The following MMP21 variants were observed in gnomAD, a reference collection of about 807,000 sequenced individuals.
The protein encoded by MMP21 is matrix metallopeptidase 21, also known as matrix metalloproteinase-21.
Under a neutral mutation model 47.8 loss-of-function variants are expected in MMP21, and 40 were observed. That is an observed-to-expected ratio of 0.84 (90% confidence interval 0.65 to 1.09). The LOEUF (loss-of-function observed/expected upper bound fraction) is 1.09. MMP21 is among the 50% of genes least tolerant of loss of function. The probability of loss-of-function intolerance (pLI) is 0.00; values close to 1 mark genes in which losing one functional copy is unlikely to be tolerated. For synonymous variants in MMP21, 341 were observed against 318.0 expected (o/e 1.07, Z -0.77); for missense variants, 747 against 775.3 (o/e 0.96, Z 0.43).
At position 125,773,772 on chromosome 10, in the gene MMP21, G is replaced by T; in HGVS notation, c.697+59C>A. The T allele has an allele frequency of 6.9e-7, 1 of 1,446,422 alleles. No homozygotes were observed. Among genetic ancestry groups the T allele is most frequent in the African/African-American group, 1.5e-5 (1 of 67,862 alleles). 89.6% of individuals were successfully genotyped at this position (1,446,422 alleles called of 1,614,324 possible). ...CTGCAGGTGGCCGAGGTGGGGGTAG[G>T]TGCGCCGGGGTCCCCGAGGGGCTGG... is the stretch of plus-strand genomic sequence containing the variant. On this transcript the variant is annotated intron_variant, in intron 2 of 6. Coordinates refer to ENST00000368808, the MANE Select transcript of MMP21 (RefSeq NM_147191.1). The surrounding 1 kb of genome is among the most constrained non-coding windows in gnomAD (Gnocchi z 4.8).
chr10:125,770,674 A>G, intron 4 of MMP21, 83 bp from the exon 5 acceptor site: 1 of 1,486,604 alleles, frequency 6.7e-7, no homozygotes, highest in Non-Finnish European at 9.1e-7. Context: ...GAATGAAGAC[A>G]GTTGCAAAGC....
At position 125,770,347 on chromosome 10, in the gene MMP21, A is replaced by G; in HGVS notation, c.1224T>C (p.Arg408=). The G allele has an allele frequency of 6.2e-7, 1 of 1,614,150 alleles. No individual in the cohort carries two copies. Among genetic ancestry groups the G allele is most frequent in the Non-Finnish European group, 8.5e-7 (1 of 1,179,998 alleles). Reference sequence around the variant, plus strand: ...AAGAATCTGTACCTTGAAAAAAATAACGTTCATCTCTTTTCCATGTCCAGA... The same window carrying G: ...AAGAATCTGTACCTTGAAAAAAATAGCGTTCATCTCTTTTCCATGTCCAGA... The part of the protein sequence containing the change: ...VHIWTWKRDE[R]YFFQGNQYWR... The change falls in exon 5 of 7, where the codon CGT becomes CGC. Residue 408 remains arginine, a synonymous_variant. Transcript: ENST00000368808.
Position 125,774,293 on chromosome 10 carries a change from T to C in MMP21, c.235A>G (p.Thr79Ala). The change falls in exon 2 of 7, where the codon ACC becomes GCC. Residue 79 changes from threonine (T) to alanine (A), a missense_variant. Coordinates refer to ENST00000368808, the MANE Select transcript of MMP21 (RefSeq NM_147191.1). ...TCGGCCAGGGCGGCGCCCTTGGGGGTCTCCGGCGGCCCCTCGGGACTGGGC... is the reference window on the plus strand; with the variant it reads ...TCGGCCAGGGCGGCGCCCTTGGGGGCCTCCGGCGGCCCCTCGGGACTGGGC... ...WGPSPEGPPETPKGAALAEAV... is the reference protein window; with the variant it reads ...WGPSPEGPPEAPKGAALAEAV... 7.1e-7 allele frequency: 1 copy of C among 1,416,054 alleles called. No individual in the cohort carries two copies. Among genetic ancestry groups the C allele is most frequent in the Non-Finnish European group, 9.1e-7 (1 of 1,092,962 alleles). The allele number at this position is 1,416,054 out of a possible 1,614,324, so 87.7% of individuals were successfully genotyped here. A position where few individuals can be genotyped will look rare whatever the true frequency, so the allele number is the denominator to read the frequency against.
chr10:125,773,965 T>A lies in MMP21; in HGVS notation c.563A>T (p.Gln188Leu). Residue 188 changes from glutamine (Q) to leucine (L), a missense_variant, in exon 2 of 7, where the codon CAA (glutamine) becomes CTA (leucine). Transcript: ENST00000368808. The surrounding 1 kb of genome is among the most constrained non-coding windows in gnomAD (Gnocchi z 4.8). The part of the protein sequence containing the change: ...WRLLGEALSS[Q>L]LSVADQRRIV... Reference sequence around the variant, plus strand: ...GCGCCGCTGGTCGGCCACGGACAGTTGGCTGCTCAGGGCCTCGCCCAGCAG... The same window carrying A: ...GCGCCGCTGGTCGGCCACGGACAGTAGGCTGCTCAGGGCCTCGCCCAGCAG... 1 of 1,580,590 alleles carries A rather than the reference T, an allele frequency of 6.3e-7. No individual in the cohort carries two copies. The highest frequency in any genetic ancestry group is 8.5e-7 in the Non-Finnish European group (1 of 1,171,470).
At chr10:125,769,317 A>G (rs117742888) in intron 5 of MMP21, among the ~76,000 whole-genome samples, 263 of 152,152 alleles carry the variant, frequency 1.7e-3, no homozygotes, top group Admixed American at 6.9e-3. Flanking sequence ...CAAAACACTG[A>G]CCTTCCATGT....
rs1207924220 is a variant in MMP21 at position 125,773,861 on chromosome 10, C to T, written c.667G>A (p.Ala223Thr). 10 of 1,567,850 alleles carry T rather than the reference C, an allele frequency of 6.4e-6. No individual in the cohort carries two copies. The highest frequency in any genetic ancestry group is 7.7e-6 in the Non-Finnish European group (9 of 1,164,274). The change falls in exon 2 of 7, where the codon GCG becomes ACG. Residue 223 changes from alanine to threonine, a missense_variant. Transcript: ENST00000368808. The surrounding 1 kb of genome is among the most constrained non-coding windows in gnomAD (Gnocchi z 4.8). ...CCAAAGCCCAGCTTGATGTCGACCG[C>T]GGCCCCGGGGGCGGCCAGGTCCTCG... ...FREDLAAPGA[A>T]VDIKLGFGRG...
Position 125,770,400 on chromosome 10 carries a change from T to C in MMP21, c.1171A>G (p.Thr391Ala). The C allele has an allele frequency of 1.2e-6, 2 of 1,614,226 alleles. No homozygotes were observed. Among genetic ancestry groups the C allele is most frequent in the Non-Finnish European group, 1.7e-6 (2 of 1,180,036 alleles). ...QILTGWPGIP[T>A]HNIDAFVHIW... Reference sequence around the variant, plus strand: ...TGAACAAAGGCATCTATGTTGTGTGTTGGGATTCCAGGCCAGCCAGTGAGG... The same window carrying C: ...TGAACAAAGGCATCTATGTTGTGTGCTGGGATTCCAGGCCAGCCAGTGAGG... Residue 391 changes from threonine (T) to alanine (A), a missense_variant, in exon 5 of 7, where the codon ACA becomes GCA. Transcript: ENST00000368808.
rs1309209734 is a variant in MMP21 at position 125,773,184 on chromosome 10, G to A, written c.698-434C>T. Reference sequence around the variant, plus strand: ...ATTAACCCAGTGAGACCAGAAGACAGCCCTGAGCACCCCCGGGTCACAGAT... The same window carrying A: ...ATTAACCCAGTGAGACCAGAAGACAACCCTGAGCACCCCCGGGTCACAGAT... On this transcript the variant is annotated intron_variant, in intron 2 of 6. Transcript: ENST00000368808. The surrounding 1 kb of genome is among the most constrained non-coding windows in gnomAD (Gnocchi z 4.8). 6.6e-6 allele frequency among the ~76,000 whole-genome samples: 1 copy of A among 152,168 alleles called. No individual in the cohort carries two copies. The highest frequency in any genetic ancestry group is 1.9e-4 in the East Asian group (1 of 5,164).
At chr10:125,767,820 AGGAGAAAACG>A (rs1850402948) in intron 5 of MMP21, 116 bp from the exon 6 acceptor site, 1 of 1,085,878 alleles carries the variant, frequency 9.2e-7, no homozygotes, top group Non-Finnish European at 1.3e-6. Context: ...CCATGATTCT[AGGAGAAAACG>A]GGGCTTTCGG....
At position 125,774,181 on chromosome 10, in the gene MMP21, C is replaced by T. The variant is rs1348079859; in HGVS notation, c.347G>A (p.Arg116His). The T allele has an allele frequency of 1.6e-6, 2 of 1,276,108 alleles. No individual in the cohort carries two copies. The highest frequency in any genetic ancestry group is 2.0e-6 in the Non-Finnish European group (2 of 1,015,104). 79.0% of individuals were successfully genotyped at this position (1,276,108 alleles called of 1,614,324 possible). A position where few individuals can be genotyped will look rare whatever the true frequency, so the allele number is the denominator to read the frequency against. Residue 116 changes from arginine to histidine, a missense_variant, in exon 2 of 7, where the codon CGC becomes CAC. Arg to His is a conservative substitution (Grantham distance 29, BLOSUM62 0). Coordinates refer to ENST00000368808, the MANE Select transcript of MMP21 (RefSeq NM_147191.1). ...TGGGCGCATGTCCGGGACCCCGCAGCGCGGCCGGTTCATGGCCGCTAGGGT... is the reference window on the plus strand; with the variant it reads ...TGGGCGCATGTCCGGGACCCCGCAGTGCGGCCGGTTCATGGCCGCTAGGGT... Reference protein sequence around the residue: ...AATLAAMNRPRCGVPDMRPPP... With the variant: ...AATLAAMNRPHCGVPDMRPPP...
intron 5 of MMP21, among the ~76,000 whole-genome samples, chr10:125,770,127 A>G (rs528542720): frequency 7.9e-5 from 12 of 152,284 alleles, no homozygotes; most frequent in African/African-American, 2.9e-4. Flanking sequence ...CAGCCTGGGT[A>G]ACAGTGAAAC....
At chr10:125,767,075 A>T in intron 6 of MMP21, 114 bp from the exon 7 acceptor site, 3 of 856,272 alleles carry the variant, frequency 3.5e-6, no homozygotes, top group Non-Finnish European at 5.2e-6. Flanking sequence ...TTAGACTTGA[A>T]CTTCTTAATT....
In MMP21 at chr10:125,767,524, C is replaced by G; in HGVS notation, c.1410+8G>C. 6.2e-7 allele frequency: 1 copy of G among 1,612,992 alleles called. No homozygotes were observed. On this transcript the variant is annotated splice_region_variant and intron_variant, in intron 6 of 6. Coordinates refer to ENST00000368808, the MANE Select transcript of MMP21 (RefSeq NM_147191.1). The stretch of plus-strand genomic sequence containing the variant: ...AAGCATTGCTAGGCTGAAGAGCCTT[C>G]TACTTACAAGGGACTCCTTGAAGAA...
intron 5 of MMP21, among the ~76,000 whole-genome samples, chr10:125,769,203 C>G (rs759265318): frequency 8.5e-5 from 13 of 152,108 alleles, no homozygotes; most frequent in African/African-American, 3.1e-4. Context: ...TGGATGAGAC[C>G]GGGTGTGAAT....
chr10:125,774,485 G>T (rs1564763811), intron 1 of MMP21, 120 bp from the exon 2 acceptor site: 6 of 615,182 alleles, frequency 9.8e-6, no homozygotes, highest in Non-Finnish European at 1.4e-5. Flanking sequence ...GAGAGAAGCA[G>T]AGAGACAGAC....
chr10:125,768,958 G>A (rs560248678), intron 5 of MMP21, among the ~76,000 whole-genome samples: 11 of 152,130 alleles, frequency 7.2e-5, no homozygotes, highest in Non-Finnish European at 1.3e-4. Flanking sequence ...GGATCCTTAT[G>A]GTAAAATTTG....
rs763333121 is a variant in MMP21, at chr10:125,767,671, T to A, written c.1271A>T (p.Asp424Val). The change falls in exon 6 of 7, where the codon GAT becomes GTT. Residue 424 changes from aspartate (D) to valine (V), a missense_variant. By Grantham distance (152) the Asp-to-Val change is radical. Transcript: ENST00000368808. ...NQYWRYDSDK[D>V]QALTEDEQGK... ...TTGTTCATCTTCTGTGAGGGCCTGA[T>A]CCTTGTCACTGTCATATCTCCAGTA... The A allele has an allele frequency of 1.9e-6, 3 of 1,614,096 alleles. No homozygotes were observed. The highest frequency in any genetic ancestry group is 2.5e-6 in the Non-Finnish European group (3 of 1,180,042).
In MMP21 at chr10:125,771,963, G is replaced by A. The variant is rs147935838; in HGVS notation, c.979+255C>T. 1.4e-4 allele frequency among the ~76,000 whole-genome samples: 22 copies of A among 152,264 alleles called. 1 individual carries two copies. Among genetic ancestry groups the A allele is most frequent in the East Asian group, 3.9e-4 (2 of 5,180 alleles). ...CCGCTTGTGTTGAGAAAACCACCCC[G>A]CATTCACTGTCCTCCTGGGAAATGC... On this transcript the variant is annotated intron_variant, in intron 4 of 6. Transcript: ENST00000368808.
chr10:125,770,594 T>C lies in MMP21; in HGVS notation c.980-3A>G, dbSNP rs1051813562. The stretch of plus-strand genomic sequence containing the variant: ...ATCAAATGATCCCTCACAGGAGCCT[T>C]AAAAAAACAAACAAAAAACAGCCAC... On this transcript the variant is annotated splice_region_variant and splice_polypyrimidine_tract_variant and intron_variant, in intron 4 of 6. Transcript: ENST00000368808. The C allele has an allele frequency of 6.2e-7, 1 of 1,610,390 alleles. No homozygotes were observed. Among genetic ancestry groups the C allele is most frequent in the African/African-American group, 1.3e-5 (1 of 74,648 alleles).
Sources: gnomAD v4.1 joint callset for allele counts (sites outside exome capture counted in the v4.1 genomes callset) on GRCh38, gnomAD v4.1.1 for gene constraint, Gnocchi (gnomAD v3.1) non-coding constraint, MANE v1.5 for transcripts, NCBI Gene and HGNC (gene_info 2026-07-23, HGNC 2026-07-21) for gene names.